The following MAPK10 variants were observed in gnomAD, a reference collection of about 807,000 sequenced individuals.
MAPK10 encodes the protein JNK3 alpha protein kinase.
In MAPK10, 25 loss-of-function variants were observed where a neutral mutation model predicts 59.3. That is an observed-to-expected ratio of 0.42 (90% confidence interval 0.31 to 0.59). The LOEUF is 0.59. Ranked by LOEUF, MAPK10 falls within the 20% of genes least tolerant of loss-of-function variation. The pLI, the probability that MAPK10 is intolerant of heterozygous loss-of-function variation, is 0.15. For synonymous variants in MAPK10, 190 were observed against 200.5 expected (o/e 0.95, Z 0.44); for missense variants, 351 against 568.9 (o/e 0.62, Z 3.90).
intron 11 of MAPK10, among the ~76,000 whole-genome samples, chr4:86,047,129 G>A (rs948669070): frequency 1.3e-5 from 2 of 151,876 alleles, no homozygotes; most frequent in African/African-American, 2.4e-5. Context: ...ATAGATCACA[G>A]CAAGGATCCC....
chr4:86,560,927 G>C (rs1760629031), intron 1 of MAPK10, among the ~76,000 whole-genome samples: 1 of 152,250 alleles, frequency 6.6e-6, no homozygotes, highest in Non-Finnish European at 1.5e-5. Flanking sequence ...ATAGAGCAAA[G>C]CATAGGAAAT....
intron 1 of MAPK10, among the ~76,000 whole-genome samples, chr4:86,407,682 GATAAAA>G (rs1163572107): frequency 4.6e-5 from 7 of 151,864 alleles, no homozygotes; most frequent in African/African-American, 1.5e-4. Flanking sequence ...AATGTAAAAA[GATAAAA>G]ATAAATTGTA....
intron 11 of MAPK10, among the ~76,000 whole-genome samples, chr4:86,053,764 A>G (rs1222916364): frequency 1.3e-5 from 2 of 152,112 alleles, no homozygotes; most frequent in African/African-American, 4.8e-5. Flanking sequence ...GAAACATATT[A>G]AGAAAATAAA....
chr4:86,404,599 A>C (rs532408512), intron 1 of MAPK10, among the ~76,000 whole-genome samples: 1 of 152,332 alleles, frequency 6.6e-6, no homozygotes, highest in South Asian at 2.1e-4. Flanking sequence ...TCAATTTTAA[A>C]GTTGAGTTCT....
At chr4:86,527,151 G>A (rs932235147) in intron 1 of MAPK10, among the ~76,000 whole-genome samples, 2 of 151,560 alleles carry the variant, frequency 1.3e-5, no homozygotes, top group Admixed American at 6.6e-5. Flanking sequence ...GCTACTAAAA[G>A]TTAAAAATAA....
chr4:86,077,068 C>G (rs891043291), intron 9 of MAPK10, among the ~76,000 whole-genome samples: 1 of 151,908 alleles, frequency 6.6e-6, no homozygotes, highest in Admixed American at 6.6e-5. Flanking sequence ...CAGTAAATCA[C>G]CTGATATAAT....
At chr4:86,034,235 T>C (rs1400327880) in intron 11 of MAPK10, among the ~76,000 whole-genome samples, 1 of 152,222 alleles carries the variant, frequency 6.6e-6, no homozygotes, top group Non-Finnish European at 1.5e-5. Context: ...GAATATTTTT[T>C]CAAAAGACTG....
At chr4:86,177,237 G>A (rs2075893923) in intron 3 of MAPK10, among the ~76,000 whole-genome samples, 1 of 151,912 alleles carries the variant, frequency 6.6e-6, no homozygotes, top group African/African-American at 2.4e-5. Context: ...GTTTTTGGGG[G>A]GTTCAGGCAG....
chr4:86,331,006 T>A (rs1409267343), intron 2 of MAPK10, among the ~76,000 whole-genome samples: 1 of 152,096 alleles, frequency 6.6e-6, no homozygotes, highest in Non-Finnish European at 1.5e-5. Context: ...ATAATAAATA[T>A]TTGTTGAATG....
chr4:86,045,084 T>C (rs1489820075), intron 11 of MAPK10, among the ~76,000 whole-genome samples: 7 of 152,122 alleles, frequency 4.6e-5, no homozygotes, highest in African/African-American at 1.7e-4. Context: ...CTGAGTGTAA[T>C]TAGAAAGCTT....
At chr4:86,547,159 G>A (rs1345461375) in intron 1 of MAPK10, among the ~76,000 whole-genome samples, 1 of 152,204 alleles carries the variant, frequency 6.6e-6, no homozygotes, top group Non-Finnish European at 1.5e-5. Context: ...CAGCTTGCTG[G>A]CAGTTCTCAC....
At chr4:86,332,595 GT>G (rs2096179986) in intron 2 of MAPK10, 1 of 152,130 alleles carries the variant, frequency 6.6e-6, no homozygotes, top group South Asian at 2.1e-4. Flanking sequence ...CCACTGTGAC[GT>G]TTGTCACATT....
chr4:86,083,735 C>T (rs1202813736), intron 9 of MAPK10, among the ~76,000 whole-genome samples: 1 of 152,146 alleles, frequency 6.6e-6, no homozygotes, highest in Admixed American at 6.5e-5. Context: ...TAAGGGGGTG[C>T]TGGCATCACC....
At chr4:86,059,887 G>A (rs1030692917) in intron 11 of MAPK10, among the ~76,000 whole-genome samples, 1 of 152,094 alleles carries the variant, frequency 6.6e-6, no homozygotes, top group Non-Finnish European at 1.5e-5. Flanking sequence ...AAGGCCCTAT[G>A]TTTCCTGCCA....
chr4:86,415,519 T>TAGGA (rs1745758105), intron 1 of MAPK10, among the ~76,000 whole-genome samples: 1 of 152,098 alleles, frequency 6.6e-6, no homozygotes, highest in African/African-American at 2.4e-5. Context: ...CTACAATCAA[T>TAGGA]AGGAAATAGG....
intron 4 of MAPK10, among the ~76,000 whole-genome samples, chr4:86,137,228 A>G (rs2062415317): frequency 6.6e-6 from 1 of 152,000 alleles, no homozygotes; most frequent in Admixed American, 6.5e-5. Context: ...TCAACAGAAT[A>G]TACATTTTTT....
At chr4:86,522,097 C>A (rs78193548) in intron 1 of MAPK10, among the ~76,000 whole-genome samples, 7,128 of 152,286 alleles carry the variant, frequency 0.047, 223 homozygotes, top group African/African-American at 0.059. Flanking sequence ...GTAAGGTTAA[C>A]TCCTTTTCCC....
intron 4 of MAPK10, chr4:86,120,701 G>A (rs1237357579): frequency 6.6e-6 from 1 of 152,094 alleles, no homozygotes; most frequent in Non-Finnish European, 1.5e-5. Context: ...ACCATTCAAT[G>A]GACCATTCAT....
intron 1 of MAPK10, among the ~76,000 whole-genome samples, chr4:86,550,371 A>G (rs1384951318): frequency 8.5e-6 from 1 of 117,282 alleles, no homozygotes; most frequent in East Asian, 2.6e-4. Flanking sequence ...GCAGAGCTTC[A>G]GTTAAAAAAA....
Sources: gnomAD v4.1 joint callset for allele counts (sites outside exome capture counted in the v4.1 genomes callset) on GRCh38, gnomAD v4.1.1 for gene constraint, MANE v1.5 for transcripts, NCBI Gene and HGNC (gene_info 2026-07-23, HGNC 2026-07-21) for gene names.